MYO10: variants seen among roughly 807,000 people sequenced by gnomAD.
The protein encoded by MYO10 is myosin X, also known as unconventional myosin-X.
A neutral mutation model predicts 257.3 loss-of-function variants in MYO10; 133 were observed. That is an observed-to-expected ratio of 0.52 (90% CI 0.45 to 0.60). MYO10 has a LOEUF of 0.60. Among genes scored for constraint, MYO10 ranks in the 20% least tolerant of loss-of-function variants. MYO10 has a pLI of 0.00. For missense variants in MYO10, 2,399 were observed against 2,635.7 expected (o/e 0.91, Z 1.97); for synonymous variants, 1,104 against 1,028.6 (o/e 1.07, Z -1.40).
chr5:16,705,797 G>C (rs923124271), intron 21 of MYO10, among the ~76,000 whole-genome samples: 6 of 151,918 alleles, frequency 3.9e-5, no homozygotes, highest in Non-Finnish European at 7.4e-5. Flanking sequence ...TCCTGCTCTG[G>C]GTAAAACTCC....
At chr5:16,807,107 G>C (rs140119929) in intron 3 of MYO10, among the ~76,000 whole-genome samples, 61 of 152,300 alleles carry the variant, frequency 4.0e-4, no homozygotes, top group Middle Eastern at 3.4e-3. Context: ...CCATTATCCA[G>C]ATTTATTTCG....
intron 2 of MYO10, among the ~76,000 whole-genome samples, chr5:16,861,662 C>G (rs1341273456): frequency 6.6e-6 from 1 of 152,152 alleles, no homozygotes; most frequent in Non-Finnish European, 1.5e-5. Flanking sequence ...CAAGAGAAAG[C>G]ATAAATGTCA....
At chr5:16,933,468 T>G (rs183867767) in intron 1 of MYO10, among the ~76,000 whole-genome samples, 8 of 152,360 alleles carry the variant, frequency 5.3e-5, no homozygotes, top group African/African-American at 1.9e-4. Flanking sequence ...TCCCCAATTG[T>G]TAGCACTGGC....
intron 32 of MYO10, 106 bp from the exon 33 acceptor site, chr5:16,680,210 A>G: frequency 7.5e-7 from 1 of 1,336,956 alleles, no homozygotes; most frequent in Non-Finnish European, 1.0e-6. Context: ...ATTCAATTCA[A>G]TAGACACTGG....
intron 2 of MYO10, among the ~76,000 whole-genome samples, chr5:16,854,885 A>G (rs2560858): frequency 0.3 from 45,126 of 151,750 alleles, 6,861 homozygotes; most frequent in Middle Eastern, 0.35. Flanking sequence ...TACAAAAATT[A>G]GCCGGGCGTG....
In MYO10 at chr5:16,904,527, A is replaced by G. The variant is rs550565594; in HGVS notation, c.22-26820T>C. 3.2e-4 allele frequency among the ~76,000 whole-genome samples: 48 copies of G among 152,336 alleles called. 2 individuals are homozygous for G. In the South Asian group the frequency reaches 9.7e-3, roughly 31 times the overall value. On this transcript the variant is annotated intron_variant, in intron 1 of 40. Coordinates refer to ENST00000513610, the MANE Select transcript of MYO10 (RefSeq NM_012334.3). ...CTGTGGGGTCTGACGCCGGGTAGAC[A>G]GTGTCAGAACTGAACTGAATGAGGG...
intron 1 of MYO10, 89 bp downstream of exon 1, chr5:16,935,699 A>G (rs1746420879): frequency 6.5e-7 from 1 of 1,530,522 alleles, no homozygotes; most frequent in Non-Finnish European, 9.0e-7. Flanking sequence ...TCCAGGGCTT[A>G]GGAAAAAGTA....
At chr5:16,826,045 G>A (rs1242782408) in intron 2 of MYO10, among the ~76,000 whole-genome samples, 1 of 152,026 alleles carries the variant, frequency 6.6e-6, no homozygotes, top group Non-Finnish European at 1.5e-5. Flanking sequence ...CTATTTGGGA[G>A]GCAGAGGCAA....
At chr5:16,703,880 C>CAAA (rs55980169) in intron 22 of MYO10, among the ~76,000 whole-genome samples, 30 of 76,992 alleles carry the variant, frequency 3.9e-4, no homozygotes, top group Non-Finnish European at 7.1e-4. Flanking sequence ...GACTCTGTCT[C>CAAA]AAAAAAAAAA....
At chr5:16,713,585 G>T (rs1037739075) in intron 19 of MYO10, 67 of 788,834 alleles carry the variant, frequency 8.5e-5, no homozygotes, top group Non-Finnish European at 9.8e-5. Context: ...GCGGCCTCGA[G>T]ATCCAGGCTC....
chr5:16,743,056 G>T (rs1392045267), intron 19 of MYO10, among the ~76,000 whole-genome samples: 1 of 152,144 alleles, frequency 6.6e-6, no homozygotes, highest in African/African-American at 2.4e-5. Flanking sequence ...GGAGACGGAG[G>T]TTGCAGTGAG....
Position 16,867,845 on chromosome 5 carries a change from T to C in MYO10, c.120+9764A>G, listed in dbSNP as rs562291067. ...AAGAATTTTTTCAACCAAGCTTAGTTATCCTTGTTGCAAATAGAGAGAAGG... is the reference window on the plus strand; with the variant it reads ...AAGAATTTTTTCAACCAAGCTTAGTCATCCTTGTTGCAAATAGAGAGAAGG... On this transcript the variant is annotated intron_variant, in intron 2 of 40. Transcript: ENST00000513610. Among the ~76,000 whole-genome samples the C allele has an allele frequency of 1.2e-3, 184 of 152,336 alleles. 1 individual carries two copies. The highest frequency in any genetic ancestry group is 2.2e-3 in the Non-Finnish European group (147 of 68,030).
At chr5:16,779,243 G>GT (rs1029342417) in intron 9 of MYO10, among the ~76,000 whole-genome samples, 3 of 152,104 alleles carry the variant, frequency 2.0e-5, no homozygotes, top group African/African-American at 7.2e-5. Context: ...GATTTGGGGG[G>GT]TTTTTTGGGG....
intron 2 of MYO10, among the ~76,000 whole-genome samples, chr5:16,862,087 G>A (rs1162277388): frequency 6.6e-6 from 1 of 152,120 alleles, no homozygotes; most frequent in Admixed American, 6.5e-5. Flanking sequence ...CACCAACTAT[G>A]AGGAGGTCAT....
At chr5:16,690,228 C>T (rs1023829985) in intron 27 of MYO10, among the ~76,000 whole-genome samples, 6 of 152,110 alleles carry the variant, frequency 3.9e-5, no homozygotes, top group Admixed American at 6.5e-5. Context: ...AATCTAGAGA[C>T]GATTTGAAGC....
At chr5:16,704,436 G>A in intron 22 of MYO10, 143 bp downstream of exon 22, 3 of 633,788 alleles carry the variant, frequency 4.7e-6, no homozygotes, top group Non-Finnish European at 8.2e-6. Context: ...AGGCTAGCTA[G>A]GTTTCGGGAG....
At chr5:16,760,417 C>T (rs31508) in intron 17 of MYO10, among the ~76,000 whole-genome samples, 30,672 of 148,836 alleles carry the variant, frequency 0.21, 3,680 homozygotes, top group East Asian at 0.26. Context: ...GCCGAGATTG[C>T]GCCACTGCAC....
intron 1 of MYO10, among the ~76,000 whole-genome samples, chr5:16,898,407 CTT>C (rs1250835376): frequency 1.5e-5 from 2 of 134,600 alleles, no homozygotes; most frequent in African/African-American, 5.7e-5. Flanking sequence ...TCTCAAATTT[CTT>C]TCTCTTTTTT....
intron 1 of MYO10, among the ~76,000 whole-genome samples, chr5:16,893,610 G>A (rs1206132216): frequency 6.7e-6 from 1 of 149,264 alleles, no homozygotes; most frequent in African/African-American, 2.5e-5. Context: ...CTCCAGCCTG[G>A]GTGAGGGAGT....
Sources: allele counts gnomAD v4.1 joint callset (sites outside exome capture counted in the v4.1 genomes callset), GRCh38; gene constraint gnomAD v4.1.1; transcripts MANE v1.5; gene names NCBI Gene and HGNC (gene_info 2026-07-23, HGNC 2026-07-21).